Variants in APOLD1 observed in about 807,000 individuals in gnomAD.
The protein encoded by APOLD1 is apolipoprotein L domain-containing protein 1.
A neutral mutation model predicts 15.3 loss-of-function variants in APOLD1; 22 were observed. The ratio of observed to expected loss-of-function variants is 1.44; its 90% CI spans 1.03 to 2.05. The LOEUF (loss-of-function observed/expected upper bound fraction) is 2.05. Ranked by LOEUF, APOLD1 falls within the 30% of genes most tolerant of loss-of-function variation. The pLI is 0.00. For synonymous variants in APOLD1, 190 were observed against 167.4 expected, an observed-to-expected ratio of 1.13 and a Z score of -1.04; for missense variants, 394 against 353.5, an observed-to-expected ratio of 1.11 and a Z score of -0.92.
In APOLD1 at chr12:12,789,819, T is replaced by C. The variant is rs1413744623; in HGVS notation, c.*2167T>C. On this transcript the variant is annotated 3_prime_UTR_variant, in exon 2 of 2. Coordinates refer to ENST00000356591, the MANE Select transcript of APOLD1 (RefSeq NM_030817.3). ...CCCAATCTGTCCGCACCCTTCCCAG[T>C]GATGGGGCAGTATGTCTGAGGAAGT... is the stretch of plus-strand genomic sequence containing the variant. 1 of 152,188 alleles carries C rather than the reference T, an allele frequency of 6.6e-6. No homozygotes were observed. The highest frequency in any genetic ancestry group is 2.4e-5 in the African/African-American group (1 of 41,442). 9.4% of individuals were successfully genotyped at this position (152,188 alleles called of 1,614,324 possible).
At chr12:12,738,564 A>G (rs1165467465) in intron 1 of APOLD1, among the ~76,000 whole-genome samples, 1 of 152,136 alleles carries the variant, frequency 6.6e-6, no homozygotes, top group African/African-American at 2.4e-5. Flanking sequence ...AAGAATTTCA[A>G]ATGATGCTTT....
chr12:12,782,679 C>T (rs1045739751), upstream of APOLD1, among the ~76,000 whole-genome samples: 6 of 151,880 alleles, frequency 4.0e-5, no homozygotes, highest in African/African-American at 1.5e-4. Context: ...CAAAACAAAA[C>T]AAAACAAAAA....
At chr12:12,778,256 T>C (rs1947053407) in intron 1 of APOLD1, among the ~76,000 whole-genome samples, 1 of 151,212 alleles carries the variant, frequency 6.6e-6, no homozygotes, top group Non-Finnish European at 1.5e-5. Context: ...AATGATCTGA[T>C]GGTTTACATT....
upstream of APOLD1, among the ~76,000 whole-genome samples, chr12:12,782,270 C>A (rs1161609013): frequency 6.6e-6 from 1 of 151,622 alleles, no homozygotes; most frequent in Non-Finnish European, 1.5e-5. Context: ...AACAAACAAA[C>A]AAACAAACAA....
chr12:12,774,120 TCTGCAAAAGACA>T (rs1272706185), intron 1 of APOLD1, among the ~76,000 whole-genome samples: 1 of 152,102 alleles, frequency 6.6e-6, no homozygotes, highest in African/African-American at 2.4e-5. Flanking sequence ...AAAATGTTAC[TCTGCAAAAGACA>T]CTGTGAATTG....
At chr12:12,786,678 A>T (rs1252249726) in intron 1 of APOLD1, 2 of 985,186 alleles carry the variant, frequency 2.0e-6, no homozygotes, top group African/African-American at 3.5e-5. Context: ...CATTATTCCT[A>T]TTTCCATATG....
chr12:12,783,207 A>AAAAT (rs1303737802), upstream of APOLD1, among the ~76,000 whole-genome samples: 2 of 152,330 alleles, frequency 1.3e-5, no homozygotes, highest in African/African-American at 2.4e-5. Flanking sequence ...CGCCGTCTCA[A>AAAAT]AAATAAATAA....
intron 1 of APOLD1, among the ~76,000 whole-genome samples, chr12:12,760,553 C>A (rs1339745995): frequency 1.3e-5 from 2 of 150,532 alleles, no homozygotes; most frequent in Admixed American, 6.6e-5. Context: ...GCAGGAGAAT[C>A]ACTTGAAACT....
chr12:12,737,027 G>A (rs900646192), intron 1 of APOLD1, among the ~76,000 whole-genome samples: 27 of 152,298 alleles, frequency 1.8e-4, no homozygotes, highest in African/African-American at 6.0e-4. Flanking sequence ...TGTGCGATTG[G>A]CGTGAATCTT....
chr12:12,766,512 G>A (rs550013591), intron 1 of APOLD1, among the ~76,000 whole-genome samples: 2 of 152,250 alleles, frequency 1.3e-5, no homozygotes, highest in South Asian at 4.1e-4. Context: ...AGAGATTTCT[G>A]AGAGAGCCAT....
chr12:12,750,371 TCA>T (rs1491401284), intron 1 of APOLD1, among the ~76,000 whole-genome samples: 9 of 14,118 alleles, frequency 6.4e-4, no homozygotes, highest in African/African-American at 1.7e-3. Context: ...AGACTCTGTC[TCA>T]AAAAAAAAAA....
At chr12:12,770,567 G>GAAAAAAAAAAAAAA (rs36112693) in intron 1 of APOLD1, among the ~76,000 whole-genome samples, 3 of 119,270 alleles carry the variant, frequency 2.5e-5, no homozygotes, top group Non-Finnish European at 3.5e-5. Context: ...AAAAAAGACT[G>GAAAAAAAAAAAAAA]AAAAAAAAAA....
chr12:12,765,373 G>A (rs1946936155), intron 1 of APOLD1, among the ~76,000 whole-genome samples: 1 of 152,040 alleles, frequency 6.6e-6, no homozygotes, highest in Non-Finnish European at 1.5e-5. Context: ...TTATATTATA[G>A]AAATTTGTTA....
intron 1 of APOLD1, among the ~76,000 whole-genome samples, chr12:12,750,747 G>A (rs901047712): frequency 3.3e-5 from 5 of 152,044 alleles, no homozygotes; most frequent in Non-Finnish European, 7.4e-5. Context: ...ATGGAGTTAA[G>A]CCTTGGATAC....
intron 1 of APOLD1, among the ~76,000 whole-genome samples, chr12:12,776,777 TAAAA>T (rs558999184): frequency 1.8e-4 from 27 of 152,104 alleles, no homozygotes; most frequent in Non-Finnish European, 3.7e-4. Flanking sequence ...CCTTTAAAAA[TAAAA>T]AATCGGATTA....
intron 1 of APOLD1, among the ~76,000 whole-genome samples, chr12:12,752,964 TGATAA>T (rs1352731201): frequency 2.0e-5 from 3 of 152,070 alleles, no homozygotes; most frequent in Non-Finnish European, 2.9e-5. Context: ...AGGAGGGTGA[TGATAA>T]GATAAGGCAG....
intron 1 of APOLD1, among the ~76,000 whole-genome samples, chr12:12,765,349 G>A (rs1047095770): frequency 6.6e-6 from 1 of 151,818 alleles, no homozygotes; most frequent in Non-Finnish European, 1.5e-5. Flanking sequence ...CACCACACCC[G>A]GCTCAATATA....
intron 1 of APOLD1, among the ~76,000 whole-genome samples, chr12:12,748,646 TG>T (rs1360931335): frequency 1.4e-5 from 1 of 72,344 alleles, no homozygotes; most frequent in Non-Finnish European, 2.9e-5. Flanking sequence ...TATATAATTA[TG>T]GGTTTTTTTT....
chr12:12,746,450 C>T (rs181209438), intron 1 of APOLD1, among the ~76,000 whole-genome samples: 465 of 152,116 alleles, frequency 3.1e-3, no homozygotes, highest in African/African-American at 9.8e-3. Flanking sequence ...GAGCCGAGAT[C>T]GCACCACTGC....
Sources: allele counts gnomAD v4.1 joint callset (sites outside exome capture counted in the v4.1 genomes callset), GRCh38; gene constraint gnomAD v4.1.1; transcripts MANE v1.5; gene names NCBI Gene and HGNC (gene_info 2026-07-23, HGNC 2026-07-21).